The following KATNIP variants were observed in gnomAD, a reference collection of about 807,000 sequenced individuals.
The protein encoded by KATNIP is katanin interacting protein, also known as katanin-interacting protein.
A neutral mutation model predicts 174.0 loss-of-function variants in KATNIP; 126 were observed. The ratio of observed to expected loss-of-function variants is 0.72; its 90% CI spans 0.63 to 0.84. The LOEUF is 0.84. Among genes scored for constraint, KATNIP ranks in the 40% least tolerant of loss-of-function variants. The pLI is 0.00. For missense variants in KATNIP, 1,958 were observed against 2,109.7 expected (o/e 0.93, Z 1.41); for synonymous variants, 810 against 835.7 (o/e 0.97, Z 0.53).
chr16:27,664,063 C>T (rs542625601), intron 6 of KATNIP, among the ~76,000 whole-genome samples: 11 of 152,284 alleles, frequency 7.2e-5, no homozygotes, highest in East Asian at 1.9e-4. Flanking sequence ...CCTCCCACCT[C>T]GCCCTCCCAA....
intron 6 of KATNIP, among the ~76,000 whole-genome samples, chr16:27,649,806 G>A (rs1018502786): frequency 3.9e-5 from 6 of 152,236 alleles, no homozygotes; most frequent in African/African-American, 1.4e-4. Context: ...TGGGAGAGAA[G>A]GCAGTGTTAG....
chr16:27,575,861 T>C (rs2090478490), intron 2 of KATNIP, among the ~76,000 whole-genome samples: 1 of 152,170 alleles, frequency 6.6e-6, no homozygotes, highest in Admixed American at 6.5e-5. Context: ...AAGTGGGCAG[T>C]CTAGGGGCAA....
At chr16:27,766,597 G>A (rs2082134588) in intron 20 of KATNIP, 123 bp downstream of exon 20, 2 of 996,674 alleles carry the variant, frequency 2.0e-6, no homozygotes, top group Admixed American at 2.4e-5. Flanking sequence ...GGAGCTGGGG[G>A]CGTTATGTCC....
At chr16:27,586,422 C>T (rs899218370) in intron 2 of KATNIP, among the ~76,000 whole-genome samples, 2 of 140,478 alleles carry the variant, frequency 1.4e-5, no homozygotes, top group African/African-American at 2.7e-5. Flanking sequence ...AGCCTGGCAA[C>T]ATAGTGAGAC....
chr16:27,751,270 T>C (rs1399129336), intron 16 of KATNIP, among the ~76,000 whole-genome samples: 1 of 152,104 alleles, frequency 6.6e-6, no homozygotes, highest in African/African-American at 2.4e-5. Context: ...GGAACATAAA[T>C]TTCAGGTCTT....
chr16:27,640,561 C>G (rs1348083377), intron 5 of KATNIP, among the ~76,000 whole-genome samples: 1 of 152,198 alleles, frequency 6.6e-6, no homozygotes, highest in Non-Finnish European at 1.5e-5. Context: ...CCAGCACCCA[C>G]TCAACATTAG....
chr16:27,631,129 C>A lies in KATNIP; in HGVS notation c.375C>A (p.Ala125=). The A allele has an allele frequency of 6.3e-7, 1 of 1,575,704 alleles. No individual in the cohort carries two copies. The highest frequency in any genetic ancestry group is 8.6e-7 in the Non-Finnish European group (1 of 1,159,478). ...EEALRRSSRT[A]PSKVQRRGWH... ...CCTTAAGACGCAGTTCACGGACAGC[C>A]CCCAGTAAAGTCCAGCGCCGAGGAT... is the stretch of plus-strand genomic sequence containing the variant. The change falls in exon 5 of 28, where the codon GCC becomes GCA. Residue 125 remains alanine (A), a synonymous_variant. Coordinates refer to ENST00000261588, the MANE Select transcript of KATNIP (RefSeq NM_015202.5).
At position 27,628,766 on chromosome 16, in the gene KATNIP, A is replaced by G. The variant is rs80004272; in HGVS notation, c.246A>G (p.Ser82=). 4.1e-3 allele frequency: 6,642 copies of G among 1,614,184 alleles called. 254 individuals carry two copies. The African/African-American group carries it at 0.078, about 19-fold the overall frequency. ...YVNGANSELK[S]SPRKAIHSDF... Reference sequence around the variant, plus strand: ...ACGGTGCCAATTCGGAGCTGAAATCATCACCGCGGAAAGCTATTCACTCTG... The same window carrying G: ...ACGGTGCCAATTCGGAGCTGAAATCGTCACCGCGGAAAGCTATTCACTCTG... Residue 82 remains serine, a synonymous_variant, in exon 4 of 28, where the codon TCA becomes TCG. Coordinates refer to ENST00000261588, the MANE Select transcript of KATNIP (RefSeq NM_015202.5).
At chr16:27,693,492 G>T (rs1035754797) in intron 8 of KATNIP, among the ~76,000 whole-genome samples, 2 of 152,004 alleles carry the variant, frequency 1.3e-5, no homozygotes, top group African/African-American at 4.8e-5. Context: ...GGGTTCAAGC[G>T]ATTCTCCTGC....
chr16:27,609,840 C>T (rs1024729104), intron 2 of KATNIP, among the ~76,000 whole-genome samples: 5 of 151,896 alleles, frequency 3.3e-5, no homozygotes, highest in East Asian at 1.9e-4. Context: ...TACAAGCATG[C>T]GCCACCATGC....
intron 1 of KATNIP, among the ~76,000 whole-genome samples, chr16:27,557,361 C>T (rs994961001): frequency 3.3e-5 from 5 of 151,540 alleles, no homozygotes; most frequent in Non-Finnish European, 2.9e-5. Context: ...AGGCTGGTCT[C>T]GAACTCCTGA....
chr16:27,627,618 C>T (rs968141616), intron 3 of KATNIP, among the ~76,000 whole-genome samples: 10 of 152,184 alleles, frequency 6.6e-5, no homozygotes, highest in East Asian at 1.9e-4. Context: ...CTTTCTAGAC[C>T]GCTCGTACTG....
At position 27,660,790 on chromosome 16, in the gene KATNIP, C is replaced by T. The variant is rs114934499; in HGVS notation, c.540+12055C>T. Among the ~76,000 whole-genome samples, 1,164 of 152,148 alleles carry T rather than the reference C, an allele frequency of 7.7e-3. 17 individuals are homozygous for T. Among genetic ancestry groups the T allele is most frequent in the African/African-American group, 0.027 (1,117 of 41,520 alleles). ...AGCTCAGGATACAGGCACACACCAC[C>T]GCATCCAGCTATTGCTCTAGGTCTT... On this transcript the variant is annotated intron_variant, in intron 6 of 27. Coordinates refer to ENST00000261588, the MANE Select transcript of KATNIP (RefSeq NM_015202.5).
chr16:27,561,956 T>C (rs1397569006), intron 1 of KATNIP, among the ~76,000 whole-genome samples: 1 of 152,188 alleles, frequency 6.6e-6, no homozygotes, highest in African/African-American at 2.4e-5. Flanking sequence ...CTTGTGTCAG[T>C]TTCCAACACC....
At chr16:27,646,128 C>A (rs929166501) in intron 5 of KATNIP, among the ~76,000 whole-genome samples, 1 of 152,226 alleles carries the variant, frequency 6.6e-6, no homozygotes, top group Non-Finnish European at 1.5e-5. Context: ...TCACAAATAA[C>A]TTTAATCCTC....
chr16:27,689,012 A>G (rs762362385), intron 8 of KATNIP, among the ~76,000 whole-genome samples: 2 of 152,216 alleles, frequency 1.3e-5, no homozygotes, highest in Non-Finnish European at 2.9e-5. Context: ...GCCACCCAAA[A>G]GGCTGAGAAA....
intron 12 of KATNIP, among the ~76,000 whole-genome samples, chr16:27,707,766 C>A (rs1167939781): frequency 6.6e-6 from 1 of 152,250 alleles, no homozygotes; most frequent in African/African-American, 2.4e-5. Context: ...CTCTCTCTGG[C>A]TTGCAGATAG....
In KATNIP at chr16:27,661,374, A is replaced by T. The variant is rs545464073; in HGVS notation, c.540+12639A>T. ...TTTTTAGGTTTAAGAGAAGCCAGGT[A>T]TCTGGGTTTCTGGGTTTCTTTCTTT... On this transcript the variant is annotated intron_variant, in intron 6 of 27. Transcript: ENST00000261588. Among the ~76,000 whole-genome samples the T allele has an allele frequency of 2.1e-4, 32 of 152,090 alleles. No individual in the cohort carries two copies. The South Asian group carries it at 6.7e-3, about 32-fold the overall frequency.
At chr16:27,570,486 G>A (rs2090247616) in intron 1 of KATNIP, among the ~76,000 whole-genome samples, 2 of 152,190 alleles carry the variant, frequency 1.3e-5, no homozygotes, top group Non-Finnish European at 2.9e-5. Context: ...AGAATTGCTT[G>A]AACCTGGGAG....
Sources: gnomAD v4.1 joint callset for allele counts (sites outside exome capture counted in the v4.1 genomes callset) on GRCh38, gnomAD v4.1.1 for gene constraint, MANE v1.5 for transcripts, NCBI Gene and HGNC (gene_info 2026-07-23, HGNC 2026-07-21) for gene names.